GDF7: variants seen among roughly 807,000 people sequenced by gnomAD.
GDF7 encodes the protein growth/differentiation factor 7.
Under a neutral mutation model 13.4 loss-of-function variants are expected in GDF7, and 12 were observed. That is an observed-to-expected ratio of 0.90 (90% confidence interval 0.57 to 1.45). The LOEUF (loss-of-function observed/expected upper bound fraction) is 1.45. GDF7 is among the 40% of genes most tolerant of loss of function. The pLI, the probability that GDF7 is intolerant of heterozygous loss-of-function variation, is 0.00. For synonymous variants in GDF7, 330 were observed against 306.4 expected, an observed-to-expected ratio of 1.08 and a Z score of -0.80; for missense variants, 651 against 652.4, an observed-to-expected ratio of 1.00 and a Z score of 0.02.
chr2:20,669,649 C>T (rs1353359124), intron 1 of GDF7, among the ~76,000 whole-genome samples: 1 of 152,206 alleles, frequency 6.6e-6, no homozygotes, highest in Non-Finnish European at 1.5e-5. Flanking sequence ...TGTTCCTTTA[C>T]TGCCTTTCCC....
chr2:20,678,565 C>T lies in GDF7; in HGVS notation c.*7140C>T, dbSNP rs1395530021. On this transcript the variant is annotated 3_prime_UTR_variant, in exon 2 of 2. Coordinates refer to ENST00000272224, the MANE Select transcript of GDF7 (RefSeq NM_182828.4). ...TCCCGTACCAGCTTATAAAATGCGG[C>T]TGTTTAAGCAGGACTTGGGTGGGCA... 1 of 152,182 alleles carries T rather than the reference C, an allele frequency of 6.6e-6. No individual in the cohort carries two copies. The highest frequency in any genetic ancestry group is 1.9e-4 in the East Asian group (1 of 5,202). 9.4% of individuals were successfully genotyped at this position (152,182 alleles called of 1,614,324 possible). A position where few individuals can be genotyped will look rare whatever the true frequency, so the allele number is the denominator to read the frequency against.
Position 20,670,922 on chromosome 2 carries a change from A to G in GDF7, c.850A>G (p.Ile284Val). ...TQRKESLFRE[I>V]RAQARALGAA... ...GAGGAAAGAGAGCTTATTCCGGGAG[A>G]TCCGCGCCCAGGCCCGCGCGCTCGG... The change falls in exon 2 of 2, where the codon ATC becomes GTC. Residue 284 changes from isoleucine (I) to valine (V), a missense_variant. By Grantham distance (29) the Ile-to-Val change is conservative (BLOSUM62 3). Coordinates refer to ENST00000272224, the MANE Select transcript of GDF7 (RefSeq NM_182828.4). 6.4e-7 allele frequency: 1 copy of G among 1,571,362 alleles called. No individual in the cohort carries two copies. Among genetic ancestry groups the G allele is most frequent in the Non-Finnish European group, 8.6e-7 (1 of 1,167,512 alleles).
intron 1 of GDF7, among the ~76,000 whole-genome samples, chr2:20,668,814 G>C (rs1662032412): frequency 6.6e-6 from 1 of 152,212 alleles, no homozygotes; most frequent in African/African-American, 2.4e-5. Flanking sequence ...GGTTCGGTTA[G>C]AACTATCAAG....
intron 1 of GDF7, among the ~76,000 whole-genome samples, chr2:20,670,111 G>A (rs931576936): frequency 6.6e-6 from 1 of 152,186 alleles, no homozygotes; most frequent in African/African-American, 2.4e-5. Flanking sequence ...GCGGCTCTGG[G>A]TCAGGCCGCG....
At position 20,675,731 on chromosome 2, in the gene GDF7, G is replaced by C. The variant is rs1167739229; in HGVS notation, c.*4306G>C. ...TGGAGAAGGTCCTCTCCCAATCCCA[G>C]TCCCAGAGCCTCATCTTACCGGTTT... On this transcript the variant is annotated 3_prime_UTR_variant, in exon 2 of 2. Transcript: ENST00000272224. 1 of 152,400 alleles carries C rather than the reference G, an allele frequency of 6.6e-6. No individual in the cohort carries two copies. Among genetic ancestry groups the C allele is most frequent in the Admixed American group, 6.5e-5 (1 of 15,288 alleles). 9.4% of individuals were successfully genotyped at this position (152,400 alleles called of 1,614,324 possible). A position where few individuals can be genotyped will look rare whatever the true frequency, so the allele number is the denominator to read the frequency against.
Position 20,672,015 on chromosome 2 carries a change from T to C in GDF7, c.*590T>C, listed in dbSNP as rs1256807653. 2 of 152,012 alleles carry C rather than the reference T, an allele frequency of 1.3e-5. No homozygotes were observed. Among genetic ancestry groups the C allele is most frequent in the African/African-American group, 4.8e-5 (2 of 41,374 alleles). The allele number at this position is 152,012 out of a possible 1,614,324, so 9.4% of individuals were successfully genotyped here. A position where few individuals can be genotyped will look rare whatever the true frequency, so the allele number is the denominator to read the frequency against. On this transcript the variant is annotated 3_prime_UTR_variant, in exon 2 of 2. Coordinates refer to ENST00000272224, the MANE Select transcript of GDF7 (RefSeq NM_182828.4). ...CTTTCTTTTTTTAACTTTTAAAATT[T>C]AACGTGCCCCTGCTTCATTTTTGAA...
rs546129239 is a variant in GDF7 at position 20,675,598 on chromosome 2, T to C, written c.*4173T>C. ...CAGTCACCTCCCTGCTGGAGCTTCA[T>C]CTTCTGCCCTGTAAAATGATGCCCT... On this transcript the variant is annotated 3_prime_UTR_variant, in exon 2 of 2. Transcript: ENST00000272224. 6.6e-6 allele frequency: 1 copy of C among 152,328 alleles called. No individual in the cohort carries two copies. The highest frequency in any genetic ancestry group is 1.5e-5 in the Non-Finnish European group (1 of 68,050). The allele number at this position is 152,328 out of a possible 1,614,324, so 9.4% of individuals were successfully genotyped here.
In GDF7 at chr2:20,671,681, T is replaced by G. The variant is rs928302307; in HGVS notation, c.*256T>G. ...AAGCCCTGTGTATTTTGCAAACAGA[T>G]AACCATGGCGCCCACTGCCCCCATT... On this transcript the variant is annotated 3_prime_UTR_variant, in exon 2 of 2. Coordinates refer to ENST00000272224, the MANE Select transcript of GDF7 (RefSeq NM_182828.4). 27 of 487,740 alleles carry G rather than the reference T, an allele frequency of 5.5e-5. No homozygotes were observed. Among genetic ancestry groups the G allele is most frequent in the African/African-American group, 4.9e-4 (25 of 51,326 alleles). The allele number at this position is 487,740 out of a possible 1,614,324, so 30.2% of individuals were successfully genotyped here. A position where few individuals can be genotyped will look rare whatever the true frequency, so the allele number is the denominator to read the frequency against.
At chr2:20,670,194 A>G (rs1231188522) in intron 1 of GDF7, among the ~76,000 whole-genome samples, 6 of 152,140 alleles carry the variant, frequency 3.9e-5, no homozygotes, top group Non-Finnish European at 7.4e-5. Context: ...AGGGATATGC[A>G]GTGACCATGG....
chr2:20,671,757 C>G lies in GDF7; in HGVS notation c.*332C>G. ...ATGTTGCAGTTAGAGGCACGAAAAT[C>G]AGGTAGCAACAACGGGTTAGGAAAT... On this transcript the variant is annotated 3_prime_UTR_variant, in exon 2 of 2. Transcript: ENST00000272224. 1 of 274,718 alleles carries G rather than the reference C, an allele frequency of 3.6e-6. No individual in the cohort carries two copies. The highest frequency in any genetic ancestry group is 6.9e-6 in the Non-Finnish European group (1 of 144,542). 17.0% of individuals were successfully genotyped at this position (274,718 alleles called of 1,614,324 possible). A position where few individuals can be genotyped will look rare whatever the true frequency, so the allele number is the denominator to read the frequency against.
Position 20,670,907 on chromosome 2 carries a change from A to G in GDF7, c.835A>G (p.Ser279Gly), listed in dbSNP as rs1033853182. ...CTCCTCCCGCACGCAGAGGAAAGAG[A>G]GCTTATTCCGGGAGATCCGCGCCCA... ...VVSSRTQRKE[S>G]LFREIRAQAR... The change falls in exon 2 of 2, where the codon AGC (serine) becomes GGC (glycine). Residue 279 changes from serine to glycine, a missense_variant. Around this residue, in one of 4 missense-constraint regions of GDF7, gnomAD observed 487 missense variants for 445.9 expected, o/e 1.09. Transcript: ENST00000272224. 3.8e-5 allele frequency: 59 copies of G among 1,564,004 alleles called. No homozygotes were observed. Among genetic ancestry groups the G allele is most frequent in the Middle Eastern group, 3.7e-4 (2 of 5,366 alleles).
chr2:20,667,924 A>T lies in GDF7; in HGVS notation c.391+294A>T, dbSNP rs1023649532. Among the ~76,000 whole-genome samples, 2 of 152,126 alleles carry T rather than the reference A, an allele frequency of 1.3e-5. No individual in the cohort carries two copies. The highest frequency in any genetic ancestry group is 2.9e-5 in the Non-Finnish European group (2 of 68,016). On this transcript the variant is annotated intron_variant, in intron 1 of 1. Coordinates refer to ENST00000272224, the MANE Select transcript of GDF7 (RefSeq NM_182828.4). This position sits in a 1 kb window ranked among gnomAD's most constrained non-coding sequence, Gnocchi z 6.4. ...CTCGAGGAGGCAGGCGGAGGCCAAG[A>T]TTCGCTTCTTGGGGAATGGTCTGGA...
Position 20,670,514 on chromosome 2 carries a change from C to T in GDF7, c.442C>T (p.Leu148Phe). 2 of 1,595,698 alleles carry T rather than the reference C, an allele frequency of 1.3e-6. No homozygotes were observed. Among genetic ancestry groups the T allele is most frequent in the South Asian group, 2.3e-5 (2 of 87,998 alleles). ...GQSFLFDVSSLNDADEVVGAE... is the reference protein window; with the variant it reads ...GQSFLFDVSSFNDADEVVGAE... ...GAGCTTCCTGTTCGACGTGTCCAGC[C>T]TTAACGACGCAGACGAGGTGGTGGG... is the stretch of plus-strand genomic sequence containing the variant. The change falls in exon 2 of 2, where the codon CTT becomes TTT. Residue 148 changes from leucine (L) to phenylalanine (F), a missense_variant. Transcript: ENST00000272224.
rs1218097617 is a variant in GDF7 at position 20,673,455 on chromosome 2, T to C, written c.*2030T>C. ...AGATGCCTCACTCTCGTTTTTAAAA[T>C]GAAGCTTGTCATAATGAAGAATTAT... On this transcript the variant is annotated 3_prime_UTR_variant, in exon 2 of 2. Coordinates refer to ENST00000272224, the MANE Select transcript of GDF7 (RefSeq NM_182828.4). 1 of 152,214 alleles carries C rather than the reference T, an allele frequency of 6.6e-6. No individual in the cohort carries two copies. Among genetic ancestry groups the C allele is most frequent in the African/African-American group, 2.4e-5 (1 of 41,456 alleles). The allele number at this position is 152,214 out of a possible 1,614,324, so 9.4% of individuals were successfully genotyped here. A position where few individuals can be genotyped will look rare whatever the true frequency, so the allele number is the denominator to read the frequency against.
In GDF7 at chr2:20,667,396, C is replaced by A; in HGVS notation, c.157C>A (p.Leu53Ile). The A allele has an allele frequency of 9.2e-6, 1 of 108,566 alleles. No homozygotes were observed. The highest frequency in any genetic ancestry group is 1.4e-5 in the Non-Finnish European group (1 of 70,900). 6.7% of individuals were successfully genotyped at this position (108,566 alleles called of 1,614,324 possible). The change falls in exon 1 of 2, where the codon CTT (leucine) becomes ATT (isoleucine). Residue 53 changes from leucine (L) to isoleucine (I), a missense_variant. By Grantham distance (5) the Leu-to-Ile change is conservative. Transcript: ENST00000272224. The surrounding 1 kb of genome is among the most constrained non-coding windows in gnomAD (Gnocchi z 6.4). ...GGGGGGGGRTLAQAAGAAAVP... is the reference protein window; with the variant it reads ...GGGGGGGGRTIAQAAGAAAVP... ...CGGCGGCGGCGGCGGCGGGCGGACT[C>A]TTGCCCAGGCTGCGGGCGCCGCGGC...
rs940986881 is a variant in GDF7, at chr2:20,674,207, C to G, written c.*2782C>G. On this transcript the variant is annotated 3_prime_UTR_variant, in exon 2 of 2. Transcript: ENST00000272224. ...TGAACCCAGCTTCTCTGTTGCAACC[C>G]CCAGCTGGAATCTCCAGTCACCATG... is the stretch of plus-strand genomic sequence containing the variant. 1 of 152,160 alleles carries G rather than the reference C, an allele frequency of 6.6e-6. No homozygotes were observed. Among genetic ancestry groups the G allele is most frequent in the African/African-American group, 2.4e-5 (1 of 41,404 alleles). 9.4% of individuals were successfully genotyped at this position (152,160 alleles called of 1,614,324 possible).
At position 20,670,634 on chromosome 2, in the gene GDF7, G is replaced by A. The variant is rs1339432114; in HGVS notation, c.562G>A (p.Ala188Thr). The A allele has an allele frequency of 1.9e-6, 3 of 1,559,700 alleles. No individual in the cohort carries two copies. Among genetic ancestry groups the A allele is most frequent in the South Asian group, 2.4e-5 (2 of 84,912 alleles). ...PLLLLSTCPG[A>T]ARAPRLLYSR... The stretch of plus-strand genomic sequence containing the variant: ...GCTGCTGCTGTCCACGTGCCCGGGC[G>A]CCGCCCGAGCGCCACGCCTGCTGTA... The change falls in exon 2 of 2, where the codon GCC becomes ACC. Residue 188 changes from alanine to threonine, a missense_variant. Physicochemically the swap from Ala to Thr is moderately conservative, Grantham distance 58. Around this residue, in one of 4 missense-constraint regions of GDF7, gnomAD observed 487 missense variants for 445.9 expected, o/e 1.09. Transcript: ENST00000272224.
intron 1 of GDF7, among the ~76,000 whole-genome samples, chr2:20,670,075 C>T (rs1039402998): frequency 1.5e-4 from 23 of 152,196 alleles, no homozygotes; most frequent in African/African-American, 5.1e-4. Flanking sequence ...AACCCAGCCC[C>T]GGACTCTGAT....
chr2:20,671,599 AC>A lies in GDF7; in HGVS notation c.*176del. 1 of 647,850 alleles carries A rather than the reference AC, an allele frequency of 1.5e-6. No individual in the cohort carries two copies. Among genetic ancestry groups the A allele is most frequent in the South Asian group, 1.9e-5 (1 of 51,310 alleles). 40.1% of individuals were successfully genotyped at this position (647,850 alleles called of 1,614,324 possible). ...CACTCGTGCAGTCACGCACACATTT[AC>A]CGGGGACAGCATGTGAAAGCCTTGG... On this transcript the variant is annotated 3_prime_UTR_variant, in exon 2 of 2. Coordinates refer to ENST00000272224, the MANE Select transcript of GDF7 (RefSeq NM_182828.4).
Sources: allele counts gnomAD v4.1 joint callset (sites outside exome capture counted in the v4.1 genomes callset), GRCh38; gene constraint gnomAD v4.1.1; regional missense constraint gnomAD v4.1.1; non-coding constraint Gnocchi (gnomAD v3.1); transcripts MANE v1.5; gene names NCBI Gene and HGNC (gene_info 2026-07-23, HGNC 2026-07-21).